Variants in AFF2 observed in about 807,000 individuals in gnomAD.
AFF2 encodes ALF transcription elongation factor 2.
In AFF2, 14 loss-of-function variants were observed where a neutral mutation model predicts 76.9. That is an observed-to-expected ratio of 0.18 (90% CI 0.12 to 0.28). AFF2 has a LOEUF of 0.28. AFF2 is among the 10% of genes least tolerant of loss of function. The pLI is 1.00. For missense variants in AFF2, 868 were observed against 1,001.1 expected, an observed-to-expected ratio of 0.87 and a Z score of 1.79; for synonymous variants, 398 against 366.7, an observed-to-expected ratio of 1.09 and a Z score of -0.98.
intron 3 of AFF2, among the ~76,000 whole-genome samples, chrX:148,701,299 C>T (rs782811787): frequency 3.6e-5 from 4 of 111,570 alleles, no homozygotes; most frequent in East Asian, 5.6e-4. Context: ...CATCTCTCAA[C>T]GCCTGGTGGA....
intron 1 of AFF2, among the ~76,000 whole-genome samples, chrX:148,607,495 C>T (rs1451686421): frequency 9.0e-6 from 1 of 111,702 alleles, no homozygotes; most frequent in African/African-American, 3.3e-5. Context: ...GCCTTTGCTC[C>T]TCCTTCCCCT....
intron 3 of AFF2, among the ~76,000 whole-genome samples, chrX:148,730,375 A>G (rs973402599): frequency 8.9e-6 from 1 of 111,930 alleles, no homozygotes; most frequent in Non-Finnish European, 1.9e-5. Flanking sequence ...GGTGTTTTAG[A>G]GTTTAGCAGT....
At chrX:148,970,738 A>G (rs1390632894) in intron 15 of AFF2, among the ~76,000 whole-genome samples, 1 of 111,932 alleles carries the variant, frequency 8.9e-6, no homozygotes, top group Non-Finnish European at 1.9e-5. Context: ...TTATAATGAA[A>G]GTGATGGGAT....
intron 7 of AFF2, among the ~76,000 whole-genome samples, chrX:148,872,310 C>T (rs988382354): frequency 2.1e-4 from 23 of 111,354 alleles, no homozygotes; most frequent in South Asian, 3.8e-4. Flanking sequence ...CCCTGGCAAC[C>T]AGTCTCTTTC....
chrX:148,871,644 G>A (rs572065185), intron 7 of AFF2, among the ~76,000 whole-genome samples: 27 of 111,590 alleles, frequency 2.4e-4, no homozygotes, highest in Non-Finnish European at 5.1e-4. Flanking sequence ...AATGGGGGCA[G>A]GTGATTTGTA....
At chrX:148,751,296 A>G (rs1385064470) in intron 3 of AFF2, among the ~76,000 whole-genome samples, 2 of 112,465 alleles carry the variant, frequency 1.8e-5, no homozygotes, top group Middle Eastern at 4.7e-3. Flanking sequence ...TGCTGTGGAC[A>G]GGGTAAAAAC....
chrX:148,966,292 T>C (rs1433991698), intron 13 of AFF2, among the ~76,000 whole-genome samples: 1 of 111,662 alleles, frequency 9.0e-6, no homozygotes, highest in African/African-American at 3.3e-5. Flanking sequence ...CTGGACTGTA[T>C]CTGGTATTTT....
In AFF2 at chrX:148,999,867, A is replaced by G. The variant is rs2072655734; in HGVS notation, c.*8535A>G. On this transcript the variant is annotated 3_prime_UTR_variant, in exon 21 of 21. Coordinates refer to ENST00000370460, the MANE Select transcript of AFF2 (RefSeq NM_002025.4). Reference sequence around the variant, plus strand: ...CTGTTAAAATCCAATTGAGTTTCCAAGAGGAAATTGTAGTAGGTCAAGATG... The same window carrying G: ...CTGTTAAAATCCAATTGAGTTTCCAGGAGGAAATTGTAGTAGGTCAAGATG... 1 of 112,003 alleles carries G rather than the reference A, an allele frequency of 8.9e-6. No individual in the cohort carries two copies. The highest frequency in any genetic ancestry group is 3.2e-5 in the African/African-American group (1 of 30,783). 9.2% of individuals were successfully genotyped at this position (112,003 alleles called of 1,213,427 possible).
At chrX:148,532,004 C>T (rs1352929115) in intron 1 of AFF2, among the ~76,000 whole-genome samples, 1 of 110,805 alleles carries the variant, frequency 9.0e-6, no homozygotes, top group East Asian at 2.8e-4. Context: ...AGTTCATCAT[C>T]ATCACCAAAA....
chrX:148,602,847 C>A (rs2053639290), intron 1 of AFF2, among the ~76,000 whole-genome samples: 1 of 107,294 alleles, frequency 9.3e-6, no homozygotes. Context: ...TAAATGGAAT[C>A]TGTAAGGACT....
At chrX:148,939,848 C>T (rs781823124) in intron 9 of AFF2, among the ~76,000 whole-genome samples, 37 of 112,100 alleles carry the variant, frequency 3.3e-4, no homozygotes, top group African/African-American at 1.1e-3. Context: ...CATACATACA[C>T]ACACATTCAT....
At chrX:148,616,563 CT>C (rs782081096) in intron 1 of AFF2, among the ~76,000 whole-genome samples, 3,644 of 106,051 alleles carry the variant, frequency 0.034, 169 homozygotes, top group African/African-American at 0.12. Context: ...ACAACATTTT[CT>C]TTTTTTTTTA....
intron 1 of AFF2, among the ~76,000 whole-genome samples, chrX:148,631,279 A>G (rs985164625): frequency 8.9e-6 from 1 of 112,122 alleles, no homozygotes; most frequent in Non-Finnish European, 1.9e-5. Context: ...ACGATTTACA[A>G]TTACATCTAT....
intron 1 of AFF2, among the ~76,000 whole-genome samples, chrX:148,542,849 G>A (rs1446131807): frequency 8.9e-6 from 1 of 112,385 alleles, no homozygotes; most frequent in Admixed American, 9.4e-5. Flanking sequence ...AGAATTCATT[G>A]AGCAGTCTAT....
intron 3 of AFF2, among the ~76,000 whole-genome samples, chrX:148,795,151 G>A (rs782614339): frequency 8.9e-6 from 1 of 111,987 alleles, no homozygotes; most frequent in Admixed American, 9.5e-5. Flanking sequence ...TTCTATTAGC[G>A]ATGGTCTTAG....
Position 148,500,673 on chromosome X carries a change from C to CGCT in AFF2, c.-423_-422insTGC, listed in dbSNP as rs2124171891. 1.0e-5 allele frequency: 1 copy of CGCT among 96,804 alleles called. No homozygotes were observed. Among genetic ancestry groups the CGCT allele is most frequent in the African/African-American group, 3.7e-5 (1 of 26,913 alleles). 8.0% of individuals were successfully genotyped at this position (96,804 alleles called of 1,213,427 possible). On this transcript the variant is annotated 5_prime_UTR_variant, in exon 1 of 21. Transcript: ENST00000370460. ...CCGCCGCCGCCGCCGCCGCCGCCGC[C>CGCT]GCCGCCGCCGCTGCCGCCCCGGCTG...
chrX:148,923,971 G>A (rs1176047204), intron 9 of AFF2, among the ~76,000 whole-genome samples: 5 of 111,841 alleles, frequency 4.5e-5, no homozygotes, highest in Non-Finnish European at 9.4e-5. Context: ...TTGTGAAAAA[G>A]TAGAATATGT....
At chrX:148,780,528 CT>C (rs2069728834) in intron 3 of AFF2, among the ~76,000 whole-genome samples, 1 of 112,137 alleles carries the variant, frequency 8.9e-6, no homozygotes, top group Non-Finnish European at 1.9e-5. Flanking sequence ...TTTTCTTCAG[CT>C]TTATCAATTT....
chrX:148,805,819 C>T (rs782452450), intron 3 of AFF2, among the ~76,000 whole-genome samples: 1 of 112,598 alleles, frequency 8.9e-6, no homozygotes, highest in East Asian at 2.8e-4. Flanking sequence ...CACCACCTGC[C>T]TGATGTGCAC....
Sources: gnomAD v4.1 joint callset for allele counts (sites outside exome capture counted in the v4.1 genomes callset) on GRCh38, gnomAD v4.1.1 for gene constraint, MANE v1.5 for transcripts, NCBI Gene and HGNC (gene_info 2026-07-23, HGNC 2026-07-21) for gene names.